KCNH5: variants seen among roughly 807,000 people sequenced by gnomAD.
The protein encoded by KCNH5 is voltage-gated delayed rectifier potassium channel KCNH5.
KCNH5 carries 46 observed loss-of-function variants against 96.1 expected under a neutral mutation model. The ratio of observed to expected loss-of-function variants is 0.48; its 90% CI spans 0.38 to 0.61. The LOEUF (loss-of-function observed/expected upper bound fraction) is 0.61. KCNH5 is among the 20% of genes least tolerant of loss of function. The pLI is 0.00. For missense variants in KCNH5, 907 were observed against 1,225.8 expected, an observed-to-expected ratio of 0.74 and a Z score of 3.88; for synonymous variants, 439 against 449.8, an observed-to-expected ratio of 0.98 and a Z score of 0.30.
At chr14:62,859,857 T>G (rs149775621) in intron 7 of KCNH5, among the ~76,000 whole-genome samples, 1,979 of 152,310 alleles carry the variant, frequency 0.013, 19 homozygotes, top group Non-Finnish European at 0.02. Flanking sequence ...CTTCTCTTCC[T>G]CTGTAAACTG....
At chr14:63,031,075 A>G (rs774762448) in intron 1 of KCNH5, among the ~76,000 whole-genome samples, 7 of 151,906 alleles carry the variant, frequency 4.6e-5, no homozygotes, top group African/African-American at 7.3e-5. Context: ...GGATGGGAAA[A>G]CAGACCAGGA....
At chr14:62,955,424 G>A (rs914913754) in intron 6 of KCNH5, among the ~76,000 whole-genome samples, 1 of 152,116 alleles carries the variant, frequency 6.6e-6, no homozygotes, top group Non-Finnish European at 1.5e-5. Context: ...TGTTTTCTTT[G>A]TATTAATTAA....
intron 9 of KCNH5, among the ~76,000 whole-genome samples, chr14:62,791,632 A>T (rs1886437330): frequency 6.6e-6 from 1 of 151,710 alleles, no homozygotes; most frequent in Non-Finnish European, 1.5e-5. Context: ...CTATATTTAC[A>T]TCAGATAAAA....
At chr14:62,714,828 T>C (rs1391538668) in intron 10 of KCNH5, among the ~76,000 whole-genome samples, 2 of 152,184 alleles carry the variant, frequency 1.3e-5, no homozygotes, top group African/African-American at 2.4e-5. Flanking sequence ...TTTTACTTCA[T>C]GTACATTGTG....
intron 10 of KCNH5, among the ~76,000 whole-genome samples, chr14:62,765,345 C>T (rs891405899): frequency 2.6e-5 from 4 of 152,092 alleles, no homozygotes; most frequent in East Asian, 1.9e-4. Flanking sequence ...ACTTGACCCT[C>T]GCCTTTTATC....
chr14:62,926,626 T>C (rs910645770), intron 7 of KCNH5, among the ~76,000 whole-genome samples: 5 of 152,098 alleles, frequency 3.3e-5, no homozygotes, highest in Non-Finnish European at 7.4e-5. Flanking sequence ...AGGGCCCTCT[T>C]CCTAGCTTGC....
chr14:62,854,013 A>C (rs1175394599), intron 7 of KCNH5, among the ~76,000 whole-genome samples: 4 of 141,724 alleles, frequency 2.8e-5, no homozygotes, highest in Non-Finnish European at 6.2e-5. Flanking sequence ...TCAAAAAAAA[A>C]AAAAACAAAA....
At chr14:62,735,496 A>T (rs183885405) in intron 10 of KCNH5, among the ~76,000 whole-genome samples, 203 of 152,328 alleles carry the variant, frequency 1.3e-3, no homozygotes, top group African/African-American at 4.8e-3. Context: ...GCTTGTTATC[A>T]TTCAGATAAG....
rs201577564 is a variant in KCNH5, at chr14:62,763,896, CCCA to C, written c.2019+15829_2019+15831del. On this transcript the variant is annotated intron_variant, in intron 10 of 10. Coordinates refer to ENST00000322893, the MANE Select transcript of KCNH5 (RefSeq NM_139318.5). ...TCAAAATTGAATAAGTAATAAAAAG[CCCA>C]CCAACCAGAACCAGCACTGGACAAG... Among the ~76,000 whole-genome samples the C allele has an allele frequency of 5.6e-3, 846 of 152,150 alleles. 7 individuals carry two copies. Among genetic ancestry groups the C allele is most frequent in the African/African-American group, 0.02 (816 of 41,490 alleles).
intron 8 of KCNH5, among the ~76,000 whole-genome samples, chr14:62,834,186 T>G (rs1365489639): frequency 6.6e-6 from 1 of 152,052 alleles, no homozygotes. Flanking sequence ...TTTTCTCATC[T>G]ACTTAACATC....
chr14:62,846,089 G>T (rs1887684738), intron 8 of KCNH5, among the ~76,000 whole-genome samples: 1 of 152,086 alleles, frequency 6.6e-6, no homozygotes, highest in Non-Finnish European at 1.5e-5. Context: ...CTAAGATTGG[G>T]CATCATCTTT....
At chr14:63,030,237 AG>A (rs141161677) in intron 1 of KCNH5, among the ~76,000 whole-genome samples, 1,753 of 152,282 alleles carry the variant, frequency 0.012, 26 homozygotes, top group African/African-American at 0.03. Flanking sequence ...CCATCTCCAA[AG>A]GGATCAGACA....
intron 7 of KCNH5, among the ~76,000 whole-genome samples, chr14:62,878,111 C>T (rs976476853): frequency 6.8e-6 from 1 of 148,060 alleles, no homozygotes; most frequent in Non-Finnish European, 1.5e-5. Context: ...AACCAAACAC[C>T]ACATGTTCTC....
intron 10 of KCNH5, among the ~76,000 whole-genome samples, chr14:62,721,884 A>T (rs1205503211): frequency 6.6e-6 from 1 of 152,208 alleles, no homozygotes; most frequent in African/African-American, 2.4e-5. Flanking sequence ...ACTTGTCTTC[A>T]TCTTTCCAAG....
chr14:62,877,314 C>A (rs1253440834), intron 7 of KCNH5, among the ~76,000 whole-genome samples: 1 of 151,542 alleles, frequency 6.6e-6, no homozygotes, highest in African/African-American at 2.4e-5. Context: ...ACACCAAAAG[C>A]AATGGCAACA....
At chr14:62,886,972 A>G (rs575810341) in intron 7 of KCNH5, among the ~76,000 whole-genome samples, 29 of 152,330 alleles carry the variant, frequency 1.9e-4, no homozygotes, top group African/African-American at 6.7e-4. Context: ...ATTTCTATAC[A>G]TCAAAAAATG....
intron 6 of KCNH5, among the ~76,000 whole-genome samples, chr14:62,962,271 C>A (rs984702628): frequency 6.6e-6 from 1 of 152,112 alleles, no homozygotes; most frequent in Non-Finnish European, 1.5e-5. Context: ...TTTATCAGTG[C>A]CACACGCGCC....
chr14:62,917,339 G>A (rs1889294423), intron 7 of KCNH5, among the ~76,000 whole-genome samples: 1 of 148,964 alleles, frequency 6.7e-6, no homozygotes, highest in Non-Finnish European at 1.5e-5. Flanking sequence ...ATAAAAGGCA[G>A]AAATGGTTTG....
At chr14:62,959,757 T>C (rs1890172054) in intron 6 of KCNH5, among the ~76,000 whole-genome samples, 1 of 152,166 alleles carries the variant, frequency 6.6e-6, no homozygotes, top group Non-Finnish European at 1.5e-5. Flanking sequence ...GTAGTAATAA[T>C]GTTTTTATCA....
Sources: gnomAD v4.1 joint callset for allele counts (sites outside exome capture counted in the v4.1 genomes callset) on GRCh38, gnomAD v4.1.1 for gene constraint, MANE v1.5 for transcripts, NCBI Gene and HGNC (gene_info 2026-07-23, HGNC 2026-07-21) for gene names.